Variants in SLCO5A1 observed in about 807,000 individuals in gnomAD.
SLCO5A1 encodes the protein organic anion transporter polypeptide-related protein 4.
Under a neutral mutation model 65.1 loss-of-function variants are expected in SLCO5A1, and 39 were observed. The observed-to-expected ratio is 0.60, with a 90% CI of 0.46 to 0.78. SLCO5A1 has a LOEUF of 0.78. SLCO5A1 is among the 30% of genes least tolerant of loss of function. The pLI is 0.00. For missense variants in SLCO5A1, 1,029 were observed against 1,069.4 expected (o/e 0.96, Z 0.53); for synonymous variants, 438 against 415.7 (o/e 1.05, Z -0.65).
rs568967609 is a variant in SLCO5A1 at position 69,797,281 on chromosome 8, T to C, written c.907+34486A>G. Among the ~76,000 whole-genome samples the C allele has an allele frequency of 3.3e-5, 5 of 152,344 alleles. No homozygotes were observed. In the South Asian group the frequency reaches 1.0e-3, roughly 32 times the overall value. On this transcript the variant is annotated intron_variant, in intron 2 of 9. Coordinates refer to ENST00000260126, the MANE Select transcript of SLCO5A1 (RefSeq NM_030958.3). ...GTGATTTCCTATGCCTGTCTTTACT[T>C]TAAACTCTTAATCCCGTCATCTTCG...
chr8:69,821,538 G>A (rs1448918020), intron 2 of SLCO5A1, among the ~76,000 whole-genome samples: 23 of 152,152 alleles, frequency 1.5e-4, no homozygotes. Flanking sequence ...ACCAGGCGCA[G>A]TGGCTCACAT....
intron 5 of SLCO5A1, among the ~76,000 whole-genome samples, chr8:69,728,410 A>G (rs1457791256): frequency 6.6e-6 from 1 of 152,202 alleles, no homozygotes; most frequent in Non-Finnish European, 1.5e-5. Flanking sequence ...ATAATTTTAA[A>G]TACAAATTTA....
In SLCO5A1 at chr8:69,788,482, G is replaced by T. The variant is rs143481900; in HGVS notation, c.908-26607C>A. Among the ~76,000 whole-genome samples the T allele has an allele frequency of 3.3e-5, 5 of 152,166 alleles. No individual in the cohort carries two copies. The East Asian group carries it at 7.7e-4, about 24-fold the overall frequency. ...ATTCTACATTTAACTTACTAATTTG[G>T]ATTCGGTCTTATCCAAATCATGCCA... On this transcript the variant is annotated intron_variant, in intron 2 of 9. Coordinates refer to ENST00000260126, the MANE Select transcript of SLCO5A1 (RefSeq NM_030958.3).
chr8:69,756,817 C>T (rs1009445553), intron 3 of SLCO5A1, among the ~76,000 whole-genome samples: 2 of 152,200 alleles, frequency 1.3e-5, no homozygotes, highest in African/African-American at 2.4e-5. Context: ...CATGATGCCC[C>T]GTGGGGCAAT....
intron 5 of SLCO5A1, among the ~76,000 whole-genome samples, chr8:69,726,007 G>C (rs1160787595): frequency 6.6e-6 from 1 of 152,224 alleles, no homozygotes; most frequent in Admixed American, 6.5e-5. Flanking sequence ...GTAATGTGGA[G>C]AGCACCGAGG....
intron 3 of SLCO5A1, among the ~76,000 whole-genome samples, chr8:69,758,988 A>T (rs1188868518): frequency 6.6e-6 from 1 of 152,226 alleles, no homozygotes; most frequent in Non-Finnish European, 1.5e-5. Flanking sequence ...CTCCCTGAGC[A>T]TCAATTTCCT....
rs139574688 is a variant in SLCO5A1 at position 69,780,804 on chromosome 8, A to C, written c.908-18929T>G. 2.9e-3 allele frequency among the ~76,000 whole-genome samples: 439 copies of C among 152,166 alleles called. 3 individuals are homozygous for C. The highest frequency in any genetic ancestry group is 1.0e-2 in the African/African-American group (413 of 41,500). Reference sequence around the variant, plus strand: ...AAGACACCATAAAATTATGCTTGTAACCCATAAATTTATACAAATAAAAAA... The same window carrying C: ...AAGACACCATAAAATTATGCTTGTACCCCATAAATTTATACAAATAAAAAA... On this transcript the variant is annotated intron_variant, in intron 2 of 9. Coordinates refer to ENST00000260126, the MANE Select transcript of SLCO5A1 (RefSeq NM_030958.3).
intron 6 of SLCO5A1, among the ~76,000 whole-genome samples, chr8:69,686,852 C>T (rs1482467100): frequency 6.6e-6 from 1 of 152,144 alleles, no homozygotes; most frequent in East Asian, 1.9e-4. Flanking sequence ...TTCAGTGTTC[C>T]TGAGTGTGAG....
chr8:69,749,096 T>C (rs1817164285), intron 4 of SLCO5A1, among the ~76,000 whole-genome samples: 1 of 152,208 alleles, frequency 6.6e-6, no homozygotes, highest in African/African-American at 2.4e-5. Flanking sequence ...TGATCCCTCT[T>C]TGCTGCGTCA....
chr8:69,784,516 G>A (rs186180219), intron 2 of SLCO5A1, among the ~76,000 whole-genome samples: 4 of 152,186 alleles, frequency 2.6e-5, no homozygotes, highest in South Asian at 2.1e-4. Flanking sequence ...GGCCAGGTGC[G>A]GTGGCTCACG....
chr8:69,808,354 G>T (rs1301055603), intron 2 of SLCO5A1, among the ~76,000 whole-genome samples: 1 of 152,068 alleles, frequency 6.6e-6, no homozygotes, highest in Non-Finnish European at 1.5e-5. Flanking sequence ...GCCCCAGTGT[G>T]TGTTGTTACT....
intron 5 of SLCO5A1, among the ~76,000 whole-genome samples, chr8:69,707,458 T>C (rs115751616): frequency 0.015 from 2,288 of 152,188 alleles, 53 homozygotes; most frequent in African/African-American, 0.052. Flanking sequence ...GAGGATTCAA[T>C]GCAATCCAAA....
intron 1 of SLCO5A1, among the ~76,000 whole-genome samples, chr8:69,834,465 C>G (rs370917777): frequency 3.3e-5 from 5 of 152,216 alleles, no homozygotes; most frequent in African/African-American, 1.2e-4. Context: ...CCCAGATTCC[C>G]GGCCTGCCAG....
intron 4 of SLCO5A1, among the ~76,000 whole-genome samples, chr8:69,741,993 A>G (rs796885053): frequency 4.6e-5 from 7 of 152,312 alleles, no homozygotes; most frequent in African/African-American, 1.4e-4. Context: ...TATGGTTTAG[A>G]TGATAGCACC....
chr8:69,721,824 G>A (rs1441212145), intron 5 of SLCO5A1, among the ~76,000 whole-genome samples: 1 of 152,100 alleles, frequency 6.6e-6, no homozygotes, highest in Non-Finnish European at 1.5e-5. Flanking sequence ...CCCCCTTATT[G>A]TCTTCGATCC....
In SLCO5A1 at chr8:69,679,503, G is replaced by C; in HGVS notation, c.1899C>G (p.Asn633Lys). 6.2e-7 allele frequency: 1 copy of C among 1,614,196 alleles called. No individual in the cohort carries two copies. The highest frequency in any genetic ancestry group is 8.5e-7 in the Non-Finnish European group (1 of 1,180,036). ...VVIVKTYLNE[N>K]GYAVSGKCKR... ...TACATTTCCCAGACACAGCATAGCCGTTCTCATTGAGATAAGTCTTGACAA... is the reference window on the plus strand; with the variant it reads ...TACATTTCCCAGACACAGCATAGCCCTTCTCATTGAGATAAGTCTTGACAA... Residue 633 changes from asparagine to lysine, a missense_variant, in exon 8 of 10, where the codon AAC becomes AAG. Physicochemically the swap from Asn to Lys is moderately conservative, Grantham distance 94. Transcript: ENST00000260126.
chr8:69,747,402 A>C (rs1817082078), intron 4 of SLCO5A1, among the ~76,000 whole-genome samples: 1 of 151,914 alleles, frequency 6.6e-6, no homozygotes, highest in Non-Finnish European at 1.5e-5. Context: ...GATTCAACCA[A>C]CCACAGATTG....
At chr8:69,772,120 A>T (rs1383538379) in intron 2 of SLCO5A1, among the ~76,000 whole-genome samples, 1 of 152,234 alleles carries the variant, frequency 6.6e-6, no homozygotes, top group African/African-American at 2.4e-5. Context: ...ACAGGGCTGC[A>T]TCAGGGATTA....
chr8:69,701,951 C>T (rs974745770), intron 6 of SLCO5A1, among the ~76,000 whole-genome samples: 2 of 152,156 alleles, frequency 1.3e-5, no homozygotes, highest in African/African-American at 4.8e-5. Context: ...TAAAGTGAAG[C>T]TCCTCATTTG....
Sources: allele counts gnomAD v4.1 joint callset (sites outside exome capture counted in the v4.1 genomes callset), GRCh38; gene constraint gnomAD v4.1.1; transcripts MANE v1.5; gene names NCBI Gene and HGNC (gene_info 2026-07-23, HGNC 2026-07-21).